The following PHACTR1 variants were observed in gnomAD, a reference collection of about 807,000 sequenced individuals.
PHACTR1 encodes the protein RPEL repeat containing 1.
PHACTR1 carries 16 observed loss-of-function variants against 69.2 expected under a neutral mutation model. That is an observed-to-expected ratio of 0.23 (90% CI 0.16 to 0.35). The LOEUF is 0.35. Among genes scored for constraint, PHACTR1 ranks in the 10% least tolerant of loss-of-function variants. The pLI is 1.00. For missense variants in PHACTR1, 510 were observed against 734.7 expected (o/e 0.69, Z 3.54); for synonymous variants, 312 against 284.5 (o/e 1.10, Z -0.97).
At chr6:12,865,582 T>C (rs1203385209) in intron 4 of PHACTR1, among the ~76,000 whole-genome samples, 1 of 152,182 alleles carries the variant, frequency 6.6e-6, no homozygotes, top group African/African-American at 2.4e-5. Context: ...ACTATTCCTA[T>C]AGGCAGTGGC....
chr6:13,281,042 T>C, intron 12 of PHACTR1: 1 of 1,289,642 alleles, frequency 7.8e-7, no homozygotes, highest in Non-Finnish European at 1.0e-6. Context: ...TGAGCACTTG[T>C]GCTCTATGCT....
intron 4 of PHACTR1, among the ~76,000 whole-genome samples, chr6:12,981,942 C>T (rs12111175): frequency 0.036 from 5,523 of 152,222 alleles, 241 homozygotes; most frequent in South Asian, 0.11. Context: ...TCCACCTGGG[C>T]TTGCTTTCTT....
At chr6:12,768,688 T>C (rs1363820477) in intron 4 of PHACTR1, among the ~76,000 whole-genome samples, 1 of 152,148 alleles carries the variant, frequency 6.6e-6, no homozygotes, top group Non-Finnish European at 1.5e-5. Context: ...TTCTTTGGTA[T>C]ATACCCAGAA....
At chr6:12,905,129 C>T (rs1368708239) in intron 4 of PHACTR1, among the ~76,000 whole-genome samples, 2 of 152,092 alleles carry the variant, frequency 1.3e-5, no homozygotes, top group Non-Finnish European at 2.9e-5. Flanking sequence ...CCCCATGGAG[C>T]CTGGCTTAAA....
intron 4 of PHACTR1, among the ~76,000 whole-genome samples, chr6:13,002,673 A>G (rs897988254): frequency 6.6e-6 from 1 of 152,230 alleles, no homozygotes; most frequent in African/African-American, 2.4e-5. Context: ...AATGAATGTA[A>G]TGATGGGTAA....
chr6:12,878,857 A>C (rs1454755043), intron 4 of PHACTR1, among the ~76,000 whole-genome samples: 7 of 152,154 alleles, frequency 4.6e-5, no homozygotes, highest in African/African-American at 1.7e-4. Flanking sequence ...AAACAGGAGG[A>C]GGTAGATAAA....
At chr6:13,254,219 C>T (rs1237308845) in intron 10 of PHACTR1, among the ~76,000 whole-genome samples, 1 of 151,686 alleles carries the variant, frequency 6.6e-6, no homozygotes, top group Non-Finnish European at 1.5e-5. Flanking sequence ...CAGAGCAAGA[C>T]TCCATTTCAA....
At chr6:13,093,594 G>A (rs1813648624) in intron 5 of PHACTR1, among the ~76,000 whole-genome samples, 1 of 152,192 alleles carries the variant, frequency 6.6e-6, no homozygotes, top group Non-Finnish European at 1.5e-5. Context: ...AGACAACTCA[G>A]TACAAATAAG....
intron 6 of PHACTR1, among the ~76,000 whole-genome samples, chr6:13,172,148 G>C (rs1350738518): frequency 6.6e-6 from 1 of 152,160 alleles, no homozygotes. Context: ...CTTTCACAAT[G>C]ACTGATTCTG....
At chr6:13,285,396 T>C (rs1021813492) in intron 13 of PHACTR1, among the ~76,000 whole-genome samples, 4 of 152,180 alleles carry the variant, frequency 2.6e-5, no homozygotes, top group Admixed American at 2.6e-4. Context: ...GTATCGGCCA[T>C]AGACAGAGCT....
At chr6:12,768,109 CT>C (rs781107897) in intron 4 of PHACTR1, among the ~76,000 whole-genome samples, 1,952 of 107,592 alleles carry the variant, frequency 0.018, 6 homozygotes, top group Non-Finnish European at 0.024. Context: ...CTATCAAATC[CT>C]TTTTTTTTTT....
intron 4 of PHACTR1, among the ~76,000 whole-genome samples, chr6:12,843,573 A>G (rs1288475052): frequency 6.6e-6 from 1 of 152,200 alleles, no homozygotes; most frequent in Non-Finnish European, 1.5e-5. Flanking sequence ...AAAACCATTG[A>G]TTCCTCATAA....
At chr6:12,867,798 G>C (rs1781605282) in intron 4 of PHACTR1, among the ~76,000 whole-genome samples, 1 of 139,978 alleles carries the variant, frequency 7.1e-6, no homozygotes. Context: ...TTTGTTCCTT[G>C]CATAATTTAA....
intron 5 of PHACTR1, among the ~76,000 whole-genome samples, chr6:13,155,027 A>G (rs62385529): frequency 0.24 from 36,495 of 151,710 alleles, 4,928 homozygotes; most frequent in African/African-American, 0.37. Context: ...GCACCAGTCA[A>G]CCCACAGTAT....
chr6:12,959,828 A>G (rs1412977785), intron 4 of PHACTR1, among the ~76,000 whole-genome samples: 3 of 152,246 alleles, frequency 2.0e-5, no homozygotes, highest in Admixed American at 6.5e-5. Context: ...GCTCCTCTGC[A>G]TAGATCATGG....
At chr6:13,085,199 C>G (rs184660416) in intron 5 of PHACTR1, among the ~76,000 whole-genome samples, 49 of 151,664 alleles carry the variant, frequency 3.2e-4, no homozygotes, top group African/African-American at 1.2e-3. Context: ...ATTTGGAAAT[C>G]CCGTTATAAT....
At chr6:12,854,898 G>T (rs1055665201) in intron 4 of PHACTR1, among the ~76,000 whole-genome samples, 2 of 152,166 alleles carry the variant, frequency 1.3e-5, no homozygotes, top group African/African-American at 4.8e-5. Flanking sequence ...TCAGCTGTTG[G>T]CAAGGTTGTA....
chr6:13,006,619 G>A (rs1798828829), intron 4 of PHACTR1, among the ~76,000 whole-genome samples: 1 of 151,770 alleles, frequency 6.6e-6, no homozygotes, highest in South Asian at 2.1e-4. Context: ...ATTAAATAAG[G>A]TGATACATAC....
chr6:13,277,139 G>A (rs949191612), intron 11 of PHACTR1, among the ~76,000 whole-genome samples: 6 of 152,196 alleles, frequency 3.9e-5, no homozygotes, highest in South Asian at 2.1e-4. Flanking sequence ...GAAGGGAAAT[G>A]GTCTACCCCA....
Sources: allele counts gnomAD v4.1 joint callset (sites outside exome capture counted in the v4.1 genomes callset), GRCh38; gene constraint gnomAD v4.1.1; transcripts MANE v1.5; gene names NCBI Gene and HGNC (gene_info 2026-07-23, HGNC 2026-07-21).